Variants in ZDHHC7 observed in about 807,000 individuals in gnomAD.
ZDHHC7 encodes the protein palmitoyltransferase ZDHHC7.
In ZDHHC7, 12 loss-of-function variants were observed where a neutral mutation model predicts 34.1. The observed-to-expected ratio is 0.35, with a 90% CI of 0.23 to 0.57. The LOEUF is 0.57. Ranked by LOEUF, ZDHHC7 falls within the 20% of genes least tolerant of loss-of-function variation. The probability of loss-of-function intolerance (pLI) is 0.84; values close to 1 mark genes in which losing one functional copy is unlikely to be tolerated. For missense variants in ZDHHC7, 388 were observed against 402.7 expected, an observed-to-expected ratio of 0.96 and a Z score of 0.31; for synonymous variants, 185 against 155.4, an observed-to-expected ratio of 1.19 and a Z score of -1.42.
chr16:85,003,897 C>T (rs1443837445), intron 1 of ZDHHC7, among the ~76,000 whole-genome samples: 9 of 152,112 alleles, frequency 5.9e-5, no homozygotes, highest in Non-Finnish European at 8.8e-5. Context: ...TAGCCACACC[C>T]GGTCTCTGAC....
At chr16:85,005,142 T>A (rs527274248) in intron 1 of ZDHHC7, 1 of 151,954 alleles carries the variant, frequency 6.6e-6, no homozygotes, top group Non-Finnish European at 1.5e-5. Flanking sequence ...AATCCAGAAA[T>A]AAAAAGAACT....
chr16:85,008,574 T>C (rs1041468051), intron 1 of ZDHHC7, among the ~76,000 whole-genome samples: 4 of 151,768 alleles, frequency 2.6e-5, no homozygotes, highest in African/African-American at 7.3e-5. Context: ...ACTGGCACTA[T>C]TCCCACTCAA....
intron 4 of ZDHHC7, among the ~76,000 whole-genome samples, chr16:84,980,096 G>A (rs557527111): frequency 5.9e-4 from 89 of 151,656 alleles, no homozygotes; most frequent in Non-Finnish European, 1.2e-3. Context: ...GAGTAGCTGG[G>A]ACTACAGGCA....
chr16:85,007,747 T>C (rs745632691), intron 1 of ZDHHC7, among the ~76,000 whole-genome samples: 2 of 152,056 alleles, frequency 1.3e-5, no homozygotes, highest in African/African-American at 4.8e-5. Context: ...CTCCTCCATG[T>C]TCTAGAAGGG....
chr16:85,009,396 T>G (rs1455713733), intron 1 of ZDHHC7, among the ~76,000 whole-genome samples: 1 of 152,072 alleles, frequency 6.6e-6, no homozygotes, highest in Non-Finnish European at 1.5e-5. Flanking sequence ...TACTCTTCTG[T>G]TCTTGAAGAG....
intron 4 of ZDHHC7, 66 bp from the exon 5 acceptor site, chr16:84,979,351 T>G: frequency 6.4e-7 from 1 of 1,556,746 alleles, no homozygotes; most frequent in Non-Finnish European, 8.6e-7. Flanking sequence ...CACAACCAAA[T>G]AAAATCAAAG....
At chr16:85,023,207 C>T in the ZDHHC7 span, among the ~76,000 whole-genome samples, 3 of 150,884 alleles carry the variant, frequency 2.0e-5, no homozygotes, top group African/African-American at 7.3e-5. Context: ...CGCTCTGTCG[C>T]CCAGGCTGGA....
intron 1 of ZDHHC7, among the ~76,000 whole-genome samples, chr16:85,008,521 C>G (rs937572228): frequency 6.7e-6 from 1 of 148,892 alleles, no homozygotes; most frequent in Non-Finnish European, 1.5e-5. Context: ...CAAAAAAAAG[C>G]CAACTTGCAG....
At position 84,974,756 on chromosome 16, in the gene ZDHHC7, AC is replaced by A. The variant is rs2072272512; in HGVS notation, c.*1586del. 1 of 152,486 alleles carries A rather than the reference AC, an allele frequency of 6.6e-6. No homozygotes were observed. Among genetic ancestry groups the A allele is most frequent in the African/African-American group, 2.4e-5 (1 of 41,378 alleles). The allele number at this position is 152,486 out of a possible 1,614,324, so 9.4% of individuals were successfully genotyped here. A position where few individuals can be genotyped will look rare whatever the true frequency, so the allele number is the denominator to read the frequency against. The stretch of plus-strand genomic sequence containing the variant: ...TGGCTGTGACGCAGCTCTTCCCCCA[AC>A]GGCGCACACGCTTCTGCGGTGACCA... On this transcript the variant is annotated 3_prime_UTR_variant, in exon 8 of 8. Coordinates refer to ENST00000313732, the MANE Select transcript of ZDHHC7 (RefSeq NM_017740.3).
intron 2 of ZDHHC7, among the ~76,000 whole-genome samples, chr16:84,993,219 G>A (rs570377396): frequency 3.3e-5 from 5 of 151,950 alleles, no homozygotes; most frequent in Non-Finnish European, 5.9e-5. Flanking sequence ...TACTAGGGAG[G>A]CTGAGGGGGG....
rs1393580167 is a variant in ZDHHC7 at position 84,975,391 on chromosome 16, C to G, written c.*952G>C. 6.6e-6 allele frequency: 1 copy of G among 152,238 alleles called. No homozygotes were observed. Among genetic ancestry groups the G allele is most frequent in the African/African-American group, 2.4e-5 (1 of 41,396 alleles). The allele number at this position is 152,238 out of a possible 1,614,324, so 9.4% of individuals were successfully genotyped here. A position where few individuals can be genotyped will look rare whatever the true frequency, so the allele number is the denominator to read the frequency against. Reference sequence around the variant, plus strand: ...CGGGCTGCCCCAAGTATCAAGTCACCGAGCCGCAGCTCTGCTCTTACCTAG... The same window carrying G: ...CGGGCTGCCCCAAGTATCAAGTCACGGAGCCGCAGCTCTGCTCTTACCTAG... On this transcript the variant is annotated 3_prime_UTR_variant, in exon 8 of 8. Coordinates refer to ENST00000313732, the MANE Select transcript of ZDHHC7 (RefSeq NM_017740.3).
intron 3 of ZDHHC7, among the ~76,000 whole-genome samples, chr16:84,988,034 G>C (rs2143622788): frequency 1.3e-5 from 2 of 152,306 alleles, no homozygotes; most frequent in South Asian, 4.1e-4. Flanking sequence ...GCCGGGCATG[G>C]TGGCAGGCAC....
chr16:84,991,869 C>G (rs1334912544), intron 2 of ZDHHC7, among the ~76,000 whole-genome samples: 2 of 152,108 alleles, frequency 1.3e-5, no homozygotes, highest in Non-Finnish European at 2.9e-5. Flanking sequence ...CCAATAGCAT[C>G]TGATTTCTAA....
At chr16:84,999,870 G>A (rs1405803134) in intron 1 of ZDHHC7, among the ~76,000 whole-genome samples, 1 of 152,144 alleles carries the variant, frequency 6.6e-6, no homozygotes, top group East Asian at 1.9e-4. Context: ...TGTGGGGCCG[G>A]GCACAGTGGC....
chr16:85,023,490 G>C, the ZDHHC7 span, among the ~76,000 whole-genome samples: 2 of 152,042 alleles, frequency 1.3e-5, no homozygotes, highest in African/African-American at 4.8e-5. Flanking sequence ...AAGCCAGTAA[G>C]TTTGTGGTGA....
chr16:84,978,109 C>T (rs1185537418), intron 5 of ZDHHC7, 104 bp from the exon 6 acceptor site: 2 of 806,576 alleles, frequency 2.5e-6, no homozygotes, highest in African/African-American at 1.8e-5. Flanking sequence ...GTAGTCTCAG[C>T]TCACTGCAAC....
intron 4 of ZDHHC7, among the ~76,000 whole-genome samples, chr16:84,980,154 T>C (rs55658836): frequency 6.6e-6 from 1 of 151,140 alleles, no homozygotes; most frequent in South Asian, 2.1e-4. Flanking sequence ...TTAGTAGAGA[T>C]GGGGGTTTCA....
chr16:85,007,147 G>T (rs1426839535), intron 1 of ZDHHC7, among the ~76,000 whole-genome samples: 1 of 151,910 alleles, frequency 6.6e-6, no homozygotes, highest in Admixed American at 6.6e-5. Context: ...ATGGAGGCTG[G>T]GCAAGGTGGC....
the ZDHHC7 span, among the ~76,000 whole-genome samples, chr16:85,020,523 G>T: frequency 6.6e-6 from 1 of 152,212 alleles, no homozygotes; most frequent in Non-Finnish European, 1.5e-5. Flanking sequence ...CCTTTAGGAT[G>T]TGACATGTGA....
Sources: gnomAD v4.1 joint callset for allele counts (sites outside exome capture counted in the v4.1 genomes callset) on GRCh38, gnomAD v4.1.1 for gene constraint, MANE v1.5 for transcripts, NCBI Gene and HGNC (gene_info 2026-07-23, HGNC 2026-07-21) for gene names.